Variants in RCAN1 observed in about 807,000 individuals in gnomAD.
RCAN1 encodes the protein calcipressin-1.
RCAN1 carries 11 observed loss-of-function variants against 22.9 expected under a neutral mutation model. That is an observed-to-expected ratio of 0.48 (90% CI 0.30 to 0.79). RCAN1 has a LOEUF of 0.79. RCAN1 is among the 30% of genes least tolerant of loss of function. The pLI, the probability that RCAN1 is intolerant of heterozygous loss-of-function variation, is 0.06. For synonymous variants in RCAN1, 136 were observed against 142.3 expected, an observed-to-expected ratio of 0.96 and a Z score of 0.32; for missense variants, 291 against 337.8, an observed-to-expected ratio of 0.86 and a Z score of 1.09.
rs1988773432 is a variant in RCAN1, at chr21:34,614,765, A to G, written c.247T>C (p.Cys83Arg). 1.4e-6 allele frequency: 2 copies of G among 1,444,102 alleles called. No individual in the cohort carries two copies. Among genetic ancestry groups the G allele is most frequent in the African/African-American group, 3.0e-5 (2 of 66,758 alleles). The allele number at this position is 1,444,102 out of a possible 1,614,324, so 89.5% of individuals were successfully genotyped here. ...CCGCCCGGCGCGGTCCTCACCCGGC[A>G]CAGGCCGTCCACGAACACGCGCGGG... ...LDPRVFVDGL[C>R]RAKFESLFRT... The change falls in exon 1 of 4, where the codon TGC (cysteine) becomes CGC (arginine). Residue 83 changes from cysteine to arginine, a missense_variant. Coordinates refer to ENST00000313806, the MANE Select transcript of RCAN1 (RefSeq NM_004414.7). The surrounding 1 kb of genome is among the most constrained non-coding windows in gnomAD (Gnocchi z 6.0).
chr21:34,583,202 C>T (rs566504843), intron 1 of RCAN1, among the ~76,000 whole-genome samples: 9 of 122,532 alleles, frequency 7.3e-5, no homozygotes, highest in Non-Finnish European at 4.9e-5. Context: ...TTTTTTGAGA[C>T]AGTTTCACTC....
At chr21:34,572,848 G>T (rs1987278627) in intron 1 of RCAN1, among the ~76,000 whole-genome samples, 1 of 152,222 alleles carries the variant, frequency 6.6e-6, no homozygotes, top group African/African-American at 2.4e-5. Flanking sequence ...TCACATGACA[G>T]CAGGAGAGAG....
chr21:34,615,001 C>T lies in RCAN1; in HGVS notation c.11G>A (p.Gly4Asp). The stretch of plus-strand genomic sequence containing the variant: ...GGCCCCGAGCTGGGGACCGGCCACG[C>T]CGTCCTCCATCCCCGCGCCCGCGCG... MEDGVAGPQLGAAA... is the reference protein window; with the variant it reads MEDDVAGPQLGAAA... The change falls in exon 1 of 4, where the codon GGC (glycine) becomes GAC (aspartate). Residue 4 changes from glycine to aspartate, a missense_variant. By Grantham distance (94) the Gly-to-Asp change is moderately conservative. Coordinates refer to ENST00000313806, the MANE Select transcript of RCAN1 (RefSeq NM_004414.7). 9.2e-7 allele frequency: 1 copy of T among 1,081,476 alleles called. No individual in the cohort carries two copies. The allele number at this position is 1,081,476 out of a possible 1,614,324, so 67.0% of individuals were successfully genotyped here.
intron 1 of RCAN1, among the ~76,000 whole-genome samples, chr21:34,599,338 G>C (rs1343810262): frequency 6.6e-6 from 1 of 152,162 alleles, no homozygotes; most frequent in Non-Finnish European, 1.5e-5. Flanking sequence ...GCTGGGTGTG[G>C]TGGCAGGTGG....
intron 1 of RCAN1, among the ~76,000 whole-genome samples, chr21:34,571,608 G>T (rs927923753): frequency 6.6e-6 from 1 of 152,174 alleles, no homozygotes; most frequent in Non-Finnish European, 1.5e-5. Context: ...CCCAGCTGGG[G>T]TGCAGTGGTA....
chr21:34,561,492 G>A (rs16991895), intron 1 of RCAN1, among the ~76,000 whole-genome samples: 36,747 of 151,952 alleles, frequency 0.24, 5,185 homozygotes, highest in African/African-American at 0.39. Flanking sequence ...ACTTATTTTA[G>A]ATATTATTCT....
chr21:34,538,472 C>G (rs1985775597), intron 1 of RCAN1, among the ~76,000 whole-genome samples: 1 of 140,646 alleles, frequency 7.1e-6, no homozygotes, highest in Non-Finnish European at 1.5e-5. Context: ...TCAACCACAG[C>G]TACTGCCAAC....
intron 1 of RCAN1, among the ~76,000 whole-genome samples, chr21:34,608,174 G>A (rs1988588119): frequency 6.6e-6 from 1 of 152,164 alleles, no homozygotes; most frequent in Non-Finnish European, 1.5e-5. Context: ...CACAGTAAAT[G>A]TAATGCACTT....
At chr21:34,597,888 ATAAGTG>A (rs1988214924) in intron 1 of RCAN1, among the ~76,000 whole-genome samples, 1 of 152,224 alleles carries the variant, frequency 6.6e-6, no homozygotes. Flanking sequence ...AGAGGTAAAA[ATAAGTG>A]TAATTTAAAA....
chr21:34,589,795 T>C (rs1021617521), intron 1 of RCAN1, among the ~76,000 whole-genome samples: 15 of 152,174 alleles, frequency 9.9e-5, no homozygotes, highest in African/African-American at 3.6e-4. Context: ...CTGGGATTTA[T>C]ACCACCAGCT....
At chr21:34,563,873 G>A (rs936101201) in intron 1 of RCAN1, among the ~76,000 whole-genome samples, 9 of 149,840 alleles carry the variant, frequency 6.0e-5, no homozygotes, top group Non-Finnish European at 1.2e-4. Flanking sequence ...GGCTGAGGCT[G>A]AAGAATCACT....
At chr21:34,585,723 A>T (rs1432272950) in intron 1 of RCAN1, among the ~76,000 whole-genome samples, 1 of 141,770 alleles carries the variant, frequency 7.1e-6, no homozygotes, top group Non-Finnish European at 1.5e-5. Context: ...AGCCTGGGTG[A>T]CAGAGCGAGA....
intron 1 of RCAN1, among the ~76,000 whole-genome samples, chr21:34,606,170 G>A (rs577180598): frequency 6.6e-6 from 1 of 152,278 alleles, no homozygotes; most frequent in Non-Finnish European, 1.5e-5. Flanking sequence ...CCAGATGGGA[G>A]AGAACAATGA....
chr21:34,524,219 G>A (rs1000873599), intron 1 of RCAN1: 1 of 152,988 alleles, frequency 6.5e-6, no homozygotes, highest in African/African-American at 2.4e-5. Flanking sequence ...AAGGTAAGAA[G>A]GTATGATTTA....
At chr21:34,571,706 C>A (rs1987238954) in intron 1 of RCAN1, among the ~76,000 whole-genome samples, 1 of 152,130 alleles carries the variant, frequency 6.6e-6, no homozygotes, top group African/African-American at 2.4e-5. Flanking sequence ...CAGGTGTGTG[C>A]CACCATGCCT....
chr21:34,525,383 G>A (rs535811502), intron 1 of RCAN1: 12 of 1,453,166 alleles, frequency 8.3e-6, no homozygotes, highest in African/African-American at 4.3e-5. Context: ...CACGTGCGAA[G>A]GAACGCGGAG....
At chr21:34,609,445 C>T (rs913533867) in intron 1 of RCAN1, among the ~76,000 whole-genome samples, 1 of 152,218 alleles carries the variant, frequency 6.6e-6, no homozygotes, top group Non-Finnish European at 1.5e-5. Context: ...GTCACTATTA[C>T]TGTACCAGGA....
At chr21:34,564,041 G>A (rs1243681812) in intron 1 of RCAN1, among the ~76,000 whole-genome samples, 12 of 152,016 alleles carry the variant, frequency 7.9e-5, no homozygotes, top group Non-Finnish European at 1.5e-5. Context: ...AGTTCCGCAT[G>A]GCTGGGGAGG....
chr21:34,597,445 C>T (rs1338185540), intron 1 of RCAN1, among the ~76,000 whole-genome samples: 1 of 152,106 alleles, frequency 6.6e-6, no homozygotes, highest in Non-Finnish European at 1.5e-5. Context: ...CGAGAGTGTG[C>T]AGATGGAGAT....
Sources: allele counts gnomAD v4.1 joint callset (sites outside exome capture counted in the v4.1 genomes callset), GRCh38; gene constraint gnomAD v4.1.1; non-coding constraint Gnocchi (gnomAD v3.1); transcripts MANE v1.5; gene names NCBI Gene and HGNC (gene_info 2026-07-23, HGNC 2026-07-21).